The following SMYD3 variants were observed in gnomAD, a reference collection of about 807,000 sequenced individuals.
SMYD3 encodes the protein histone-lysine N-methyltransferase SMYD3.
In SMYD3, 36 loss-of-function variants were observed where a neutral mutation model predicts 57.7. That is an observed-to-expected ratio of 0.62 (90% CI 0.48 to 0.82). SMYD3 has a LOEUF of 0.82. SMYD3 is among the 40% of genes least tolerant of loss of function. SMYD3 has a pLI of 0.00. For synonymous variants in SMYD3, 211 were observed against 195.0 expected, an observed-to-expected ratio of 1.08 and a Z score of -0.68; for missense variants, 515 against 538.8, an observed-to-expected ratio of 0.96 and a Z score of 0.44.
intron 1 of SMYD3, among the ~76,000 whole-genome samples, chr1:246,382,437 G>A (rs995170327): frequency 2.0e-5 from 3 of 151,914 alleles, no homozygotes; most frequent in African/African-American, 7.3e-5. Flanking sequence ...TCAGAGTCCA[G>A]GCCTGCCTCA....
chr1:246,098,211 T>C (rs1204287512), intron 5 of SMYD3, among the ~76,000 whole-genome samples: 1 of 152,190 alleles, frequency 6.6e-6, no homozygotes, highest in Admixed American at 6.5e-5. Context: ...AGAAAGATGA[T>C]GGAATTAGCT....
Position 245,767,754 on chromosome 1 carries a change from T to C in SMYD3, c.1077-3605A>G, listed in dbSNP as rs111470198. Among the ~76,000 whole-genome samples, 982 of 152,180 alleles carry C rather than the reference T, an allele frequency of 6.5e-3. 11 individuals carry two copies. The highest frequency in any genetic ancestry group is 0.021 in the African/African-American group (887 of 41,506). ...CAGGCTGTGCAGAGGCACACACACGTGCAAAGCTAGGAACTCTGGACTTCT... is the reference window on the plus strand; with the variant it reads ...CAGGCTGTGCAGAGGCACACACACGCGCAAAGCTAGGAACTCTGGACTTCT... On this transcript the variant is annotated intron_variant, in intron 10 of 11. Coordinates refer to ENST00000490107, the MANE Select transcript of SMYD3 (RefSeq NM_001167740.2).
intron 5 of SMYD3, among the ~76,000 whole-genome samples, chr1:246,133,861 GCTA>G (rs942595289): frequency 5.9e-5 from 9 of 152,230 alleles, no homozygotes; most frequent in Admixed American, 5.9e-4. Flanking sequence ...CACTGTTGTA[GCTA>G]CTATTTATAT....
At chr1:246,294,865 T>C (rs964999406) in intron 5 of SMYD3, among the ~76,000 whole-genome samples, 2 of 152,134 alleles carry the variant, frequency 1.3e-5, no homozygotes, top group African/African-American at 2.4e-5. Flanking sequence ...TCCCAAAGTG[T>C]TGGGATTACA....
At chr1:246,450,937 A>G (rs932480404) in intron 1 of SMYD3, among the ~76,000 whole-genome samples, 4 of 152,254 alleles carry the variant, frequency 2.6e-5, no homozygotes, top group African/African-American at 9.6e-5. Context: ...TTCAGTGTAC[A>G]TGACTCTACC....
chr1:246,441,469 G>C (rs1252518780), intron 1 of SMYD3, among the ~76,000 whole-genome samples: 2 of 152,184 alleles, frequency 1.3e-5, no homozygotes, highest in Non-Finnish European at 2.9e-5. Context: ...TTACTGCCAG[G>C]TCACTCCTTT....
At chr1:245,889,283 G>A (rs187450811) in intron 8 of SMYD3, among the ~76,000 whole-genome samples, 1 of 152,284 alleles carries the variant, frequency 6.6e-6, no homozygotes, top group East Asian at 1.9e-4. Flanking sequence ...TTTTTGCATG[G>A]CACCATGTTC....
chr1:246,442,742 T>C (rs1342245765), intron 1 of SMYD3, among the ~76,000 whole-genome samples: 4 of 152,106 alleles, frequency 2.6e-5, no homozygotes, highest in African/African-American at 9.7e-5. Flanking sequence ...CAGAGGTTTA[T>C]GAATAAGTGA....
intron 5 of SMYD3, chr1:245,930,188 C>A: frequency 1.9e-6 from 1 of 533,570 alleles, no homozygotes. Context: ...CAGACGGAAA[C>A]CAGCAGAGGA....
intron 5 of SMYD3, among the ~76,000 whole-genome samples, chr1:246,172,779 T>G (rs1362710559): frequency 6.7e-6 from 1 of 149,554 alleles, no homozygotes; most frequent in South Asian, 2.2e-4. Context: ...TACTCTACTG[T>G]AGACTTTATC....
intron 1 of SMYD3, among the ~76,000 whole-genome samples, chr1:246,481,284 T>G (rs2068096097): frequency 6.6e-6 from 1 of 152,058 alleles, no homozygotes. Flanking sequence ...TAAACATTAT[T>G]TTTTGGTGTG....
intron 5 of SMYD3, among the ~76,000 whole-genome samples, chr1:246,213,233 A>T (rs72774449): frequency 0.13 from 19,659 of 152,172 alleles, 1,837 homozygotes; most frequent in East Asian, 0.34. Flanking sequence ...GATGCTGACA[A>T]AAGCACTTTT....
intron 1 of SMYD3, among the ~76,000 whole-genome samples, chr1:246,390,616 G>A (rs1572452228): frequency 6.6e-6 from 1 of 152,092 alleles, no homozygotes; most frequent in East Asian, 1.9e-4. Context: ...ATATTTTAAA[G>A]GTTTTTAAAA....
chr1:245,906,260 T>C, intron 8 of SMYD3, among the ~76,000 whole-genome samples: 1 of 152,168 alleles, frequency 6.6e-6, no homozygotes, highest in East Asian at 1.9e-4. Context: ...AAGGGGTTAA[T>C]CACCAGAATA....
At chr1:246,411,640 C>T (rs1324763953) in intron 1 of SMYD3, among the ~76,000 whole-genome samples, 5 of 152,052 alleles carry the variant, frequency 3.3e-5, no homozygotes, top group Non-Finnish European at 7.4e-5. Context: ...GAATACTATG[C>T]AGCCATAAAA....
At chr1:246,246,133 G>A (rs553454149) in intron 5 of SMYD3, among the ~76,000 whole-genome samples, 2 of 152,224 alleles carry the variant, frequency 1.3e-5, no homozygotes, top group African/African-American at 4.8e-5. Context: ...ATCAGACAAC[G>A]ATCTTACTTT....
intron 1 of SMYD3, among the ~76,000 whole-genome samples, chr1:246,369,889 A>G (rs1047793901): frequency 3.5e-4 from 34 of 97,544 alleles, no homozygotes; most frequent in Non-Finnish European, 8.1e-4. Flanking sequence ...TTTCTAACAC[A>G]AAGTATAAAA....
intron 5 of SMYD3, among the ~76,000 whole-genome samples, chr1:245,931,941 G>C (rs1434653264): frequency 6.6e-6 from 1 of 152,068 alleles, no homozygotes; most frequent in Non-Finnish European, 1.5e-5. Flanking sequence ...ATGCTAAATT[G>C]CTTTAAGGAC....
intron 5 of SMYD3, among the ~76,000 whole-genome samples, chr1:246,274,967 C>T (rs2064300936): frequency 6.6e-6 from 1 of 152,160 alleles, no homozygotes; most frequent in Non-Finnish European, 1.5e-5. Context: ...GTAGCTGGGA[C>T]ACCTCACAGT....
Sources: gnomAD v4.1 joint callset for allele counts (sites outside exome capture counted in the v4.1 genomes callset) on GRCh38, gnomAD v4.1.1 for gene constraint, MANE v1.5 for transcripts, NCBI Gene and HGNC (gene_info 2026-07-23, HGNC 2026-07-21) for gene names.